Variants in IMPG1 observed in about 807,000 individuals in gnomAD.
The protein encoded by IMPG1 is interphotoreceptor matrix proteoglycan 1, also known as interphotoreceptor matrix proteoglycan of 150 kDa.
In IMPG1, 85 loss-of-function variants were observed where a neutral mutation model predicts 92.0. The observed-to-expected ratio is 0.92, with a 90% CI of 0.78 to 1.11. The LOEUF (loss-of-function observed/expected upper bound fraction) is 1.11. Ranked by LOEUF, IMPG1 falls within the 50% of genes least tolerant of loss-of-function variation. The pLI, the probability that IMPG1 is intolerant of heterozygous loss-of-function variation, is 0.00. For missense variants in IMPG1, 1,022 were observed against 956.0 expected, an observed-to-expected ratio of 1.07 and a Z score of -0.91; for synonymous variants, 367 against 334.1, an observed-to-expected ratio of 1.10 and a Z score of -1.08.
At position 76,017,067 on chromosome 6, in the gene IMPG1, G is replaced by C. The variant is rs374276384; in HGVS notation, c.807+1651C>G. Among the ~76,000 whole-genome samples the C allele has an allele frequency of 2.6e-5, 4 of 152,078 alleles. No homozygotes were observed. In the East Asian group the frequency reaches 7.7e-4, roughly 29 times the overall value. On this transcript the variant is annotated intron_variant, in intron 7 of 16. Coordinates refer to ENST00000369950, the MANE Select transcript of IMPG1 (RefSeq NM_001563.4). ...AGTATGTAAAACAAGACTTGGAGAA[G>C]GGCATTCTAGACAGAGCAGACAGCA... is the stretch of plus-strand genomic sequence containing the variant.
At chr6:75,929,167 T>TAATG (rs35877427) in intron 15 of IMPG1, among the ~76,000 whole-genome samples, 18,670 of 152,196 alleles carry the variant, frequency 0.12, 1,203 homozygotes, top group Middle Eastern at 0.18. Flanking sequence ...ATTTTATAGA[T>TAATG]AATGACAAAT....
chr6:76,066,025 C>T (rs1784303350), intron 1 of IMPG1, among the ~76,000 whole-genome samples: 1 of 151,968 alleles, frequency 6.6e-6, no homozygotes, highest in African/African-American at 2.4e-5. Flanking sequence ...CAAGCAAATG[C>T]TAAGAAAATT....
At chr6:75,949,387 A>G (rs1450396164) in intron 13 of IMPG1, among the ~76,000 whole-genome samples, 2 of 152,186 alleles carry the variant, frequency 1.3e-5, no homozygotes, top group Non-Finnish European at 2.9e-5. Flanking sequence ...CGGCACCATG[A>G]CAGTTTACAA....
At chr6:75,949,924 G>A (rs748071692) in intron 13 of IMPG1, among the ~76,000 whole-genome samples, 2 of 152,146 alleles carry the variant, frequency 1.3e-5, no homozygotes, top group African/African-American at 4.8e-5. Context: ...AACCATGAAT[G>A]TATAGAGGTA....
At chr6:76,025,100 C>T in intron 5 of IMPG1, 94 bp downstream of exon 5, 1 of 773,074 alleles carries the variant, frequency 1.3e-6, no homozygotes, top group Admixed American at 2.1e-5. Context: ...ACATTATAAA[C>T]ATTATCTTTA....
chr6:76,067,452 T>G (rs915623056), intron 1 of IMPG1, among the ~76,000 whole-genome samples: 3 of 152,102 alleles, frequency 2.0e-5, no homozygotes, highest in Non-Finnish European at 4.4e-5. Flanking sequence ...ATGGATAGAT[T>G]CCTGGAGACA....
intron 12 of IMPG1, among the ~76,000 whole-genome samples, chr6:75,962,916 C>T (rs1211354481): frequency 6.6e-6 from 1 of 152,034 alleles, no homozygotes; most frequent in Non-Finnish European, 1.5e-5. Flanking sequence ...TGGCACGTGC[C>T]TGTAGTCCCA....
At chr6:76,008,534 C>T (rs549782083) in intron 8 of IMPG1, among the ~76,000 whole-genome samples, 5 of 152,258 alleles carry the variant, frequency 3.3e-5, no homozygotes, top group Non-Finnish European at 5.9e-5. Context: ...CCTCCTTCTG[C>T]GGAGGCAAGG....
At chr6:75,999,716 A>G (rs867982128) in intron 12 of IMPG1, among the ~76,000 whole-genome samples, 1 of 152,166 alleles carries the variant, frequency 6.6e-6, no homozygotes, top group African/African-American at 2.4e-5. Flanking sequence ...TGCTCTTGTC[A>G]ATGTGGAATA....
At chr6:76,031,225 T>C (rs11965339) in intron 4 of IMPG1, among the ~76,000 whole-genome samples, 7,161 of 152,282 alleles carry the variant, frequency 0.047, 258 homozygotes, top group Admixed American at 0.086. Context: ...TCCCAAAGCA[T>C]TGTGTCTGTG....
At chr6:76,005,217 A>C in intron 10 of IMPG1, 70 bp downstream of exon 10, 1 of 1,486,054 alleles carries the variant, frequency 6.7e-7, no homozygotes, top group South Asian at 1.2e-5. Flanking sequence ...GACAGTTTCC[A>C]TGAGACATTC....
chr6:76,058,971 C>A (rs1392436143), intron 1 of IMPG1, among the ~76,000 whole-genome samples: 1 of 152,064 alleles, frequency 6.6e-6, no homozygotes, highest in Non-Finnish European at 1.5e-5. Context: ...CAGTGGCAAA[C>A]TATATAGGAC....
intron 7 of IMPG1, among the ~76,000 whole-genome samples, chr6:76,018,486 C>A (rs545175818): frequency 1.3e-5 from 2 of 152,270 alleles, no homozygotes; most frequent in East Asian, 1.9e-4. Flanking sequence ...ATAGAGGGGG[C>A]AGGTGGGGAC....
At position 76,072,309 on chromosome 6, in the gene IMPG1, T is replaced by C. The variant is rs1055838073; in HGVS notation, c.67+113A>G. The C allele has an allele frequency of 5.3e-6, 3 of 568,768 alleles. No individual in the cohort carries two copies. The African/African-American group carries it at 5.8e-5, about 11-fold the overall frequency. The allele number at this position is 568,768 out of a possible 1,614,324, so 35.2% of individuals were successfully genotyped here. A position where few individuals can be genotyped will look rare whatever the true frequency, so the allele number is the denominator to read the frequency against. ...AATCAAGCAATATTTATTCAAGGCC[T>C]ACTATATACTAGCCCGTGAGATCAA... On this transcript the variant is annotated intron_variant, in intron 1 of 16. Transcript: ENST00000369950.
At position 76,003,803 on chromosome 6, in the gene IMPG1, C is replaced by T. The variant is rs999447541; in HGVS notation, c.1212+71G>A. Reference sequence around the variant, plus strand: ...GATTTTGCTCTGTTCATTTCTTAAGCTGATTTGTTCTTTGGTGGAAGGTTT... The same window carrying T: ...GATTTTGCTCTGTTCATTTCTTAAGTTGATTTGTTCTTTGGTGGAAGGTTT... On this transcript the variant is annotated intron_variant, in intron 11 of 16. Transcript: ENST00000369950. The T allele has an allele frequency of 6.2e-6, 7 of 1,125,242 alleles. No homozygotes were observed. In the African/African-American group the frequency reaches 7.9e-5, roughly 13 times the overall value. The allele number at this position is 1,125,242 out of a possible 1,614,324, so 69.7% of individuals were successfully genotyped here.
intron 1 of IMPG1, among the ~76,000 whole-genome samples, chr6:76,050,853 A>G (rs531196857): frequency 3.3e-5 from 5 of 152,332 alleles, no homozygotes; most frequent in African/African-American, 1.2e-4. Context: ...TACAGTGGCA[A>G]TAGTAGACAT....
At chr6:75,924,632 ATAT>A (rs1781503627) in intron 15 of IMPG1, among the ~76,000 whole-genome samples, 1 of 27,864 alleles carries the variant, frequency 3.6e-5, no homozygotes, top group Non-Finnish European at 6.0e-5. Context: ...AATAAATTAT[ATAT>A]TATATATAAT....
At chr6:76,025,002 C>A in intron 5 of IMPG1, 192 bp downstream of exon 5, 1 of 622,100 alleles carries the variant, frequency 1.6e-6, no homozygotes, top group South Asian at 1.6e-5. Context: ...TTGGTTTTAC[C>A]TTTATTCTTT....
At chr6:76,051,889 C>T (rs1421739291) in intron 1 of IMPG1, among the ~76,000 whole-genome samples, 2 of 151,976 alleles carry the variant, frequency 1.3e-5, no homozygotes, top group African/African-American at 4.8e-5. Flanking sequence ...AGGACCTTGG[C>T]AAACCCTTAC....
Sources: allele counts gnomAD v4.1 joint callset (sites outside exome capture counted in the v4.1 genomes callset), GRCh38; gene constraint gnomAD v4.1.1; transcripts MANE v1.5; gene names NCBI Gene and HGNC (gene_info 2026-07-23, HGNC 2026-07-21).